The following C5 variants were observed in gnomAD, a reference collection of about 807,000 sequenced individuals.
C5 encodes the protein C3 and PZP-like alpha-2-macroglobulin domain-containing protein 4.
A neutral mutation model predicts 218.8 loss-of-function variants in C5; 140 were observed. The ratio of observed to expected loss-of-function variants is 0.64; its 90% CI spans 0.56 to 0.74. The LOEUF (loss-of-function observed/expected upper bound fraction) is 0.74, where lower values mean the gene tolerates loss of function less well. Among genes scored for constraint, C5 ranks in the 30% least tolerant of loss-of-function variants. The pLI is 0.00. For synonymous variants in C5, 614 were observed against 682.3 expected, an observed-to-expected ratio of 0.90 and a Z score of 1.56; for missense variants, 1,700 against 1,969.6, an observed-to-expected ratio of 0.86 and a Z score of 2.59.
intron 34 of C5, 54 bp downstream of exon 34, chr9:120,963,581 TA>T (rs1391140097): frequency 2.5e-6 from 3 of 1,201,638 alleles, no homozygotes; most frequent in Non-Finnish European, 3.7e-6. Context: ...GTCTATAAAA[TA>T]ATTCAGAAAA....
Position 121,017,427 on chromosome 9 carries a change from C to A in C5, c.1801G>T (p.Ala601Ser). The part of the protein sequence containing the change: ...NMATGMDSWV[A>S]LAAVDSAVYG... ...ACAGCACTGTCCACTGCTGCTAATG[C>A]CACCCAGGAATCCATTCCAGTTGCC... Residue 601 changes from alanine (A) to serine (S), a missense_variant, in exon 14 of 41, where the codon GCA (alanine) becomes TCA (serine). By Grantham distance (99) the Ala-to-Ser change is moderately conservative. Coordinates refer to ENST00000223642, the MANE Select transcript of C5 (RefSeq NM_001735.3). The A allele has an allele frequency of 6.2e-7, 1 of 1,613,958 alleles. No homozygotes were observed. Among genetic ancestry groups the A allele is most frequent in the Non-Finnish European group, 8.5e-7 (1 of 1,179,962 alleles).
intron 33 of C5, among the ~76,000 whole-genome samples, chr9:120,967,244 A>T: frequency 6.9e-6 from 1 of 143,960 alleles, no homozygotes; most frequent in Non-Finnish European, 1.5e-5. Flanking sequence ...TGGGAGACAG[A>T]GTGAAACTCC....
chr9:121,008,636 A>T (rs2047236070), intron 17 of C5, 138 bp from the exon 18 acceptor site: 2 of 703,298 alleles, frequency 2.8e-6, no homozygotes, highest in South Asian at 3.1e-5. Flanking sequence ...ATGCTTCCAA[A>T]ATAGAATTAT....
chr9:120,955,597 T>G (rs757758207), intron 39 of C5, among the ~76,000 whole-genome samples: 2 of 152,060 alleles, frequency 1.3e-5, no homozygotes, highest in Non-Finnish European at 2.9e-5. Context: ...TTCATTAGAA[T>G]GGCAACTAGC....
At chr9:121,008,228 T>C (rs2047232115) in intron 18 of C5, among the ~76,000 whole-genome samples, 180 bp downstream of exon 18, 1 of 152,022 alleles carries the variant, frequency 6.6e-6, no homozygotes, top group Non-Finnish European at 1.5e-5. Flanking sequence ...ACCAGTACGA[T>C]GTATATTAAA....
chr9:121,062,657 T>C, the C5 span, among the ~76,000 whole-genome samples: 1 of 152,238 alleles, frequency 6.6e-6, no homozygotes, highest in African/African-American at 2.4e-5. Context: ...TTGGGTTCTG[T>C]GATCATTAGT....
At chr9:120,955,562 C>A (rs7045519) in intron 39 of C5, among the ~76,000 whole-genome samples, 33,939 of 151,962 alleles carry the variant, frequency 0.22, 7,115 homozygotes, top group African/African-American at 0.56. Flanking sequence ...TGGACTGTGG[C>A]AACATCAAAG....
At chr9:120,980,027 G>C (rs1280748534) in intron 28 of C5, 56 bp downstream of exon 28, 2 of 1,528,246 alleles carry the variant, frequency 1.3e-6, no homozygotes, top group Non-Finnish European at 1.8e-6. Context: ...TCCCAGACTA[G>C]CAGACTTTAT....
At chr9:121,006,636 A>G (rs750455300) in intron 19 of C5, among the ~76,000 whole-genome samples, 2 of 152,116 alleles carry the variant, frequency 1.3e-5, no homozygotes, top group Admixed American at 6.6e-5. Flanking sequence ...TGAAACTAGG[A>G]GTTTGAGACC....
At chr9:121,072,587 A>T in the C5 span, among the ~76,000 whole-genome samples, 1,090 of 152,222 alleles carry the variant, frequency 7.2e-3, 11 homozygotes, top group Non-Finnish European at 8.6e-3. Flanking sequence ...CGGGCGGATC[A>T]CGTGAGGTCA....
At chr9:121,050,091 T>C in intron 1 of C5, 91 bp downstream of exon 1, 2 of 1,045,216 alleles carry the variant, frequency 1.9e-6, no homozygotes, top group South Asian at 2.5e-5. Flanking sequence ...AGTAGCAAGT[T>C]ATTTTCAAGT....
intron 11 of C5, among the ~76,000 whole-genome samples, chr9:121,020,818 T>C (rs2047358828): frequency 6.6e-6 from 1 of 152,196 alleles, no homozygotes; most frequent in South Asian, 2.1e-4. Context: ...AAAGAGAGGT[T>C]AGAAGCCTCC....
intron 16 of C5, among the ~76,000 whole-genome samples, chr9:121,014,358 G>A (rs2047288621): frequency 6.6e-6 from 1 of 152,150 alleles, no homozygotes; most frequent in African/African-American, 2.4e-5. Context: ...CTGAAAATAT[G>A]CAGAAAAATA....
At chr9:121,034,378 T>C (rs994928669) in intron 5 of C5, among the ~76,000 whole-genome samples, 3 of 152,212 alleles carry the variant, frequency 2.0e-5, no homozygotes, top group Admixed American at 1.3e-4. Context: ...GGCCAAATAA[T>C]AGATATAGCT....
chr9:121,074,663 G>A, the C5 span: 27 of 376,340 alleles, frequency 7.2e-5, 1 homozygote, highest in East Asian at 1.8e-3. Context: ...GAGGGTGGCG[G>A]CGGCAGCTTT....
chr9:121,019,757 T>C (rs2047346863), intron 12 of C5, among the ~76,000 whole-genome samples: 2 of 152,236 alleles, frequency 1.3e-5, no homozygotes, highest in Admixed American at 1.3e-4. Flanking sequence ...TCATAAGTCT[T>C]TTAACTTCTC....
intron 14 of C5, 136 bp from the exon 15 acceptor site, chr9:121,016,519 C>A: frequency 9.0e-7 from 1 of 1,111,778 alleles, no homozygotes; most frequent in Non-Finnish European, 1.3e-6. Context: ...TGATCAAAGA[C>A]AAAATTTCCC....
At chr9:120,993,421 T>TTA (rs71370608) in intron 22 of C5, among the ~76,000 whole-genome samples, 55,063 of 150,872 alleles carry the variant, frequency 0.36, 12,361 homozygotes, top group South Asian at 0.63. Flanking sequence ...AACAATAGAG[T>TTA]TATATATATA....
intron 3 of C5, among the ~76,000 whole-genome samples, chr9:121,041,859 A>T (rs1401507162): frequency 6.6e-6 from 1 of 152,164 alleles, no homozygotes; most frequent in Non-Finnish European, 1.5e-5. Context: ...AGATGCTATT[A>T]TTCTGGAGAT....
Sources: allele counts gnomAD v4.1 joint callset (sites outside exome capture counted in the v4.1 genomes callset), GRCh38; gene constraint gnomAD v4.1.1; transcripts MANE v1.5; gene names NCBI Gene and HGNC (gene_info 2026-07-23, HGNC 2026-07-21).